SYN3: variants seen among roughly 807,000 people sequenced by gnomAD.
The protein encoded by SYN3 is synapsin-3.
SYN3 carries 35 observed loss-of-function variants against 65.8 expected under a neutral mutation model. The observed-to-expected ratio is 0.53, with a 90% CI of 0.41 to 0.70. SYN3 has a LOEUF of 0.70. SYN3 is among the 30% of genes least tolerant of loss of function. SYN3 has a pLI of 0.00. For missense variants in SYN3, 680 were observed against 749.0 expected, an observed-to-expected ratio of 0.91 and a Z score of 1.08; for synonymous variants, 270 against 292.9, an observed-to-expected ratio of 0.92 and a Z score of 0.80.
intron 6 of SYN3, among the ~76,000 whole-genome samples, chr22:32,710,822 C>T (rs752786106): frequency 6.6e-6 from 1 of 151,918 alleles, no homozygotes; most frequent in Non-Finnish European, 1.5e-5. Context: ...CCTGCAGAAC[C>T]ATGAGCCAAT....
chr22:32,742,821 G>A (rs541249776), intron 6 of SYN3, among the ~76,000 whole-genome samples: 12 of 152,054 alleles, frequency 7.9e-5, no homozygotes, highest in Non-Finnish European at 1.0e-4. Context: ...AAAATATTCC[G>A]TCTTATCACG....
intron 6 of SYN3, among the ~76,000 whole-genome samples, chr22:32,705,455 T>C (rs1555929648): frequency 6.6e-6 from 1 of 152,258 alleles, no homozygotes; most frequent in Non-Finnish European, 1.5e-5. Context: ...TTGGCTACTG[T>C]AGCCTTGTAG....
intron 6 of SYN3, among the ~76,000 whole-genome samples, chr22:32,696,253 A>C (rs942579571): frequency 6.6e-6 from 1 of 152,234 alleles, no homozygotes; most frequent in African/African-American, 2.4e-5. Flanking sequence ...ATGCTGGCCC[A>C]GAAGTGACAT....
At chr22:32,795,427 T>C (rs1014212394) in intron 6 of SYN3, among the ~76,000 whole-genome samples, 1 of 152,162 alleles carries the variant, frequency 6.6e-6, no homozygotes, top group African/African-American at 2.4e-5. Context: ...TCCTTCGGAA[T>C]GGGTAACCCC....
At chr22:32,571,026 G>T (rs984407208) in intron 7 of SYN3, among the ~76,000 whole-genome samples, 1 of 151,910 alleles carries the variant, frequency 6.6e-6, no homozygotes, top group Non-Finnish European at 1.5e-5. Flanking sequence ...AGAGGGAATT[G>T]TGTGTGTGTG....
At chr22:32,941,259 T>C (rs1054365963) in intron 3 of SYN3, among the ~76,000 whole-genome samples, 6 of 152,334 alleles carry the variant, frequency 3.9e-5, no homozygotes, top group African/African-American at 1.4e-4. Flanking sequence ...CCGGCACTTA[T>C]GGCAACTCAC....
Position 33,006,480 on chromosome 22 carries a change from G to T in SYN3, c.183C>A (p.Ser61Arg), listed in dbSNP as rs751756254. Residue 61 changes from serine to arginine, a missense_variant, in exon 2 of 14, where the codon AGC (serine) becomes AGA (arginine). Ser to Arg is a moderately radical substitution (Grantham distance 110). Transcript: ENST00000358763. ...SFSSPGSSLF[S>R]SLSSAMKQAP... is the part of the protein sequence containing the mutation. ...CCTGCTTCATGGCACTGGAGAGGGA[G>T]CTAAAAAGGCTGGATCCTGGAGAGG... The T allele has an allele frequency of 3.1e-6, 5 of 1,614,192 alleles. No individual in the cohort carries two copies. Among genetic ancestry groups the T allele is most frequent in the Non-Finnish European group, 3.4e-6 (4 of 1,180,022 alleles).
chr22:32,580,418 A>G (rs2058922513), intron 7 of SYN3, among the ~76,000 whole-genome samples: 1 of 152,174 alleles, frequency 6.6e-6, no homozygotes, highest in Admixed American at 6.5e-5. Context: ...GTGACAGTAG[A>G]TTGCTATAAT....
At position 32,814,349 on chromosome 22, in the gene SYN3, G is replaced by GAAAGAAAGAA. The variant is rs1315475497; in HGVS notation, c.711+50565_711+50566insTTCTTTCTTT. Among the ~76,000 whole-genome samples, 1,241 of 148,468 alleles carry GAAAGAAAGAA rather than the reference G, an allele frequency of 8.4e-3. 19 individuals carry two copies. Among genetic ancestry groups the GAAAGAAAGAA allele is most frequent in the African/African-American group, 0.029 (1,162 of 39,766 alleles). ...AAAGAAAGAAAGAAAGAGAAAGAAA[G>GAAAGAAAGAA]AGAGAAAGAAAGAAAGAAAGAAAGA... On this transcript the variant is annotated intron_variant, in intron 6 of 13. Transcript: ENST00000358763.
At chr22:32,918,162 G>A (rs1569325832) in intron 4 of SYN3, among the ~76,000 whole-genome samples, 1 of 152,224 alleles carries the variant, frequency 6.6e-6, no homozygotes, top group Non-Finnish European at 1.5e-5. Context: ...GCAAAGAGTC[G>A]GCTGGTCATG....
chr22:32,969,167 G>A (rs2051938845), intron 3 of SYN3, among the ~76,000 whole-genome samples: 1 of 152,180 alleles, frequency 6.6e-6, no homozygotes, highest in Non-Finnish European at 1.5e-5. Context: ...AGTGCAAGAG[G>A]ATGGACTCCC....
At chr22:32,947,457 C>G (rs2051148359) in intron 3 of SYN3, 1 of 152,186 alleles carries the variant, frequency 6.6e-6, no homozygotes, top group South Asian at 2.1e-4. Context: ...TACCCTCACA[C>G]ATTAAGCAAC....
chr22:32,905,576 C>G (rs1005850493), intron 4 of SYN3, among the ~76,000 whole-genome samples: 1 of 152,228 alleles, frequency 6.6e-6, no homozygotes, highest in African/African-American at 2.4e-5. Flanking sequence ...ATTTGATTCT[C>G]ACAGGCGCAT....
At position 32,508,011 on chromosome 22, in the gene SYN3, C is replaced by T. The variant is rs187351998; in HGVS notation, c.*5681G>A. On this transcript the variant is annotated 3_prime_UTR_variant, in exon 14 of 14. Transcript: ENST00000358763. ...CATACCACCCCCCAAAAATTTTCGT[C>T]GCCCCAACACTTCAACACTATTTTG... Among the ~76,000 whole-genome samples the T allele has an allele frequency of 1.8e-4, 28 of 152,148 alleles. No homozygotes were observed. The highest frequency in any genetic ancestry group is 6.5e-4 in the Admixed American group (10 of 15,302).
Position 32,526,984 on chromosome 22 carries a change from T to C in SYN3, c.1318+934A>G, listed in dbSNP as rs904929736. 2.6e-5 allele frequency among the ~76,000 whole-genome samples: 4 copies of C among 152,176 alleles called. No homozygotes were observed. The East Asian group carries it at 5.8e-4, about 22-fold the overall frequency. ...GGGGCGGATTTCTCTCAAGACTGCA[T>C]GCAAGAATATCAGAGCAGCTGATAT... On this transcript the variant is annotated intron_variant, in intron 12 of 13. Coordinates refer to ENST00000358763, the MANE Select transcript of SYN3 (RefSeq NM_003490.4).
intron 2 of SYN3, among the ~76,000 whole-genome samples, chr22:32,984,161 C>CAAAAAAAAAAA (rs35678412): frequency 2.2e-5 from 2 of 93,006 alleles, no homozygotes; most frequent in African/African-American, 4.2e-5. Flanking sequence ...AAACTCCATC[C>CAAAAAAAAAAA]AAAAAAAAAA....
At chr22:32,667,941 C>G (rs2060312667) in intron 6 of SYN3, among the ~76,000 whole-genome samples, 1 of 151,996 alleles carries the variant, frequency 6.6e-6, no homozygotes, top group Non-Finnish European at 1.5e-5. Flanking sequence ...CTACAGGTGC[C>G]TACCACCGTG....
At position 32,994,775 on chromosome 22, in the gene SYN3, C is replaced by T. The variant is rs1445689987; in HGVS notation, c.311+11577G>A. ...GAAGACAGCCCTCCAGCACATCCAG[C>T]TGAGCTGAGAGGCAGGCCAAATGGC... On this transcript the variant is annotated intron_variant, in intron 2 of 13. Transcript: ENST00000358763. Among the ~76,000 whole-genome samples the T allele has an allele frequency of 4.6e-5, 7 of 152,160 alleles. No individual in the cohort carries two copies. In the East Asian group the frequency reaches 1.4e-3, roughly 29 times the overall value.
chr22:32,851,781 T>C (rs945523868), intron 6 of SYN3, among the ~76,000 whole-genome samples: 6 of 152,156 alleles, frequency 3.9e-5, no homozygotes, highest in African/African-American at 1.4e-4. Flanking sequence ...CACCATCTCA[T>C]GCCTTTCATT....
Sources: allele counts gnomAD v4.1 joint callset (sites outside exome capture counted in the v4.1 genomes callset), GRCh38; gene constraint gnomAD v4.1.1; transcripts MANE v1.5; gene names NCBI Gene and HGNC (gene_info 2026-07-23, HGNC 2026-07-21).